Variants in TADA2A observed in about 807,000 individuals in gnomAD.
TADA2A encodes transcriptional adapter 2-alpha.
In TADA2A, 38 loss-of-function variants were observed where a neutral mutation model predicts 67.4. The observed-to-expected ratio is 0.56, with a 90% CI of 0.44 to 0.74. The LOEUF (loss-of-function observed/expected upper bound fraction) is 0.74, where lower values mean the gene tolerates loss of function less well. TADA2A is among the 30% of genes least tolerant of loss of function. The pLI, the probability that TADA2A is intolerant of heterozygous loss-of-function variation, is 0.00. For missense variants in TADA2A, 454 were observed against 547.0 expected (o/e 0.83, Z 1.70); for synonymous variants, 192 against 181.6 (o/e 1.06, Z -0.46).
At chr17:37,462,492 C>T (rs1216536629) in intron 10 of TADA2A, among the ~76,000 whole-genome samples, 1 of 151,930 alleles carries the variant, frequency 6.6e-6, no homozygotes, top group Non-Finnish European at 1.5e-5. Flanking sequence ...ATTAGCCAGG[C>T]GTGGCGGCAT....
At chr17:37,467,152 CAAAA>C (rs1568182306) in intron 11 of TADA2A, among the ~76,000 whole-genome samples, 1 of 148,660 alleles carries the variant, frequency 6.7e-6, no homozygotes, top group Non-Finnish European at 1.5e-5. Context: ...GACTCTGTCT[CAAAA>C]AAAGAAAAAA....
intron 11 of TADA2A, 117 bp from the exon 12 acceptor site, chr17:37,467,337 A>G (rs1017327997): frequency 2.0e-5 from 16 of 780,630 alleles, no homozygotes; most frequent in Non-Finnish European, 1.0e-5. Flanking sequence ...GGATTCTCCA[A>G]ATGAACTTCC....
intron 7 of TADA2A, among the ~76,000 whole-genome samples, chr17:37,444,387 T>C (rs951402026): frequency 6.9e-6 from 1 of 144,288 alleles, no homozygotes; most frequent in Non-Finnish European, 1.5e-5. Flanking sequence ...CCTGAGTAGC[T>C]GGGATTATAG....
chr17:37,411,444 A>G, intron 2 of TADA2A, 54 bp downstream of exon 2: 1 of 1,509,566 alleles, frequency 6.6e-7, no homozygotes, highest in Admixed American at 1.7e-5. Flanking sequence ...TTTTTTTGAG[A>G]TGGACTCTCC....
chr17:37,468,687 C>T (rs1338077013), intron 12 of TADA2A, among the ~76,000 whole-genome samples: 1 of 151,844 alleles, frequency 6.6e-6, no homozygotes, highest in East Asian at 1.9e-4. Context: ...TTTTAATTTT[C>T]TAAGGTTCTT....
At chr17:37,428,085 C>G (rs1568142793) in intron 4 of TADA2A, among the ~76,000 whole-genome samples, 1 of 152,176 alleles carries the variant, frequency 6.6e-6, no homozygotes, top group Non-Finnish European at 1.5e-5. Context: ...TGCAGTTGTT[C>G]TTACAGGAAA....
At chr17:37,432,175 T>G (rs924493794) in intron 4 of TADA2A, among the ~76,000 whole-genome samples, 2 of 85,834 alleles carry the variant, frequency 2.3e-5, no homozygotes, top group Middle Eastern at 7.8e-3. Context: ...TATTTATTTA[T>G]TTTTTTTTTG....
intron 9 of TADA2A, among the ~76,000 whole-genome samples, chr17:37,459,133 C>T (rs11655957): frequency 0.48 from 73,070 of 151,898 alleles, 18,238 homozygotes; most frequent in East Asian, 0.8. Flanking sequence ...ATATCCTCTG[C>T]CCTTATCCTT....
intron 4 of TADA2A, among the ~76,000 whole-genome samples, chr17:37,435,069 A>G (rs1466700103): frequency 6.6e-6 from 1 of 152,108 alleles, no homozygotes; most frequent in Non-Finnish European, 1.5e-5. Flanking sequence ...CAACATGGAG[A>G]AACCCCGTCT....
chr17:37,430,572 C>T (rs1042637949), intron 4 of TADA2A, among the ~76,000 whole-genome samples: 3 of 152,192 alleles, frequency 2.0e-5, no homozygotes, highest in Admixed American at 2.0e-4. Flanking sequence ...CTTTCTGCCA[C>T]ACCCTTTTAT....
Position 37,476,881 on chromosome 17 carries a change from T to A in TADA2A, c.1231T>A (p.Leu411Ile). The change falls in exon 16 of 16, where the codon TTA becomes ATA. Residue 411 changes from leucine to isoleucine, a missense_variant. Around this residue, in one of 2 missense-constraint regions of TADA2A, gnomAD observed 51 missense variants for 91.5 expected, o/e 0.56. Transcript: ENST00000615182. Reference protein sequence around the residue: ...LLNECNKQGGLRLAQARALIK... With the variant: ...LLNECNKQGGIRLAQARALIK... ...GAACGAATGTAACAAGCAAGGAGGC[T>A]TAAGACTGGCGCAGGCAAGAGCACT... The A allele has an allele frequency of 6.2e-7, 1 of 1,614,202 alleles. No homozygotes were observed. The highest frequency in any genetic ancestry group is 8.5e-7 in the Non-Finnish European group (1 of 1,180,040).
At position 37,432,049 on chromosome 17, in the gene TADA2A, AT is replaced by A. The variant is rs112601671; in HGVS notation, c.192+5051del. Among the ~76,000 whole-genome samples, 1,311 of 147,540 alleles carry A rather than the reference AT, an allele frequency of 8.9e-3. 19 individuals carry two copies. Among genetic ancestry groups the A allele is most frequent in the African/African-American group, 0.029 (1,186 of 40,460 alleles). On this transcript the variant is annotated intron_variant, in intron 4 of 15. Transcript: ENST00000615182. The stretch of plus-strand genomic sequence containing the variant: ...TACCCTTGAAACAATCACTGTTCTG[AT>A]TTTTTTTTTTATCAGCGTAGATTGG...
intron 2 of TADA2A, among the ~76,000 whole-genome samples, chr17:37,422,481 GATTATTATTATTATTATT>G (rs60163170): frequency 5.1e-5 from 7 of 136,988 alleles, no homozygotes; most frequent in Non-Finnish European, 1.1e-4. Flanking sequence ...ATGCCCAGCT[GATTATTATTATTATTATT>G]ATTATTATTA....
intron 2 of TADA2A, among the ~76,000 whole-genome samples, chr17:37,412,037 C>T (rs1218741431): frequency 4.6e-5 from 7 of 150,862 alleles, no homozygotes; most frequent in Non-Finnish European, 7.4e-5. Context: ...AGTGAAATCC[C>T]GTCTCCAGTA....
At chr17:37,442,500 T>C in intron 6 of TADA2A, 64 bp from the exon 7 acceptor site, 3 of 1,233,510 alleles carry the variant, frequency 2.4e-6, no homozygotes, top group East Asian at 2.4e-5. Context: ...TCTTGGACTA[T>C]TATGTCATTT....
At chr17:37,427,052 G>A (rs1361814521) in intron 4 of TADA2A, 43 bp downstream of exon 4, 1 of 1,498,810 alleles carries the variant, frequency 6.7e-7, no homozygotes, top group South Asian at 1.3e-5. Context: ...CTTTTTTTAA[G>A]AATTAGACTG....
At chr17:37,464,314 G>GA (rs1010986427) in intron 10 of TADA2A, among the ~76,000 whole-genome samples, 2 of 152,144 alleles carry the variant, frequency 1.3e-5, no homozygotes, top group African/African-American at 4.8e-5. Context: ...TATGAAGGAT[G>GA]AAAAAAATAC....
intron 15 of TADA2A, among the ~76,000 whole-genome samples, chr17:37,476,295 T>C (rs1340446875): frequency 1.3e-5 from 2 of 152,216 alleles, no homozygotes; most frequent in Non-Finnish European, 2.9e-5. Flanking sequence ...GCAAGGTCTC[T>C]TTATCTCCTT....
At chr17:37,464,100 C>A (rs549367037) in intron 10 of TADA2A, among the ~76,000 whole-genome samples, 4 of 152,198 alleles carry the variant, frequency 2.6e-5, no homozygotes, top group Non-Finnish European at 4.4e-5. Flanking sequence ...CTGCTCCAAT[C>A]TACCAGTTAT....
Sources: allele counts gnomAD v4.1 joint callset (sites outside exome capture counted in the v4.1 genomes callset), GRCh38; gene constraint gnomAD v4.1.1; regional missense constraint gnomAD v4.1.1; transcripts MANE v1.5; gene names NCBI Gene and HGNC (gene_info 2026-07-23, HGNC 2026-07-21).